TWIST2: variants seen among roughly 807,000 people sequenced by gnomAD.
TWIST2 encodes the protein twist family bHLH transcription factor 2, also known as twist-related protein 2.
In TWIST2, 1 loss-of-function variant was observed where a neutral mutation model predicts 11.6. The ratio of observed to expected loss-of-function variants is 0.09; its 90% confidence interval spans 0.03 to 0.41. TWIST2 has a LOEUF of 0.41. Among genes scored for constraint, TWIST2 ranks in the 10% least tolerant of loss-of-function variants. The pLI, the probability that TWIST2 is intolerant of heterozygous loss-of-function variation, is 0.98. For synonymous variants in TWIST2, 87 were observed against 96.6 expected, an observed-to-expected ratio of 0.90 and a Z score of 0.58; for missense variants, 168 against 226.4, an observed-to-expected ratio of 0.74 and a Z score of 1.66.
chr2:238,895,203 G>A (rs1383916263), intron 1 of TWIST2, among the ~76,000 whole-genome samples: 1 of 152,258 alleles, frequency 6.6e-6, no homozygotes, highest in African/African-American at 2.4e-5. Context: ...CCCCTGGCTT[G>A]GACCAGTGTG....
At chr2:238,892,150 C>T (rs1693146254) in intron 1 of TWIST2, among the ~76,000 whole-genome samples, 1 of 151,888 alleles carries the variant, frequency 6.6e-6, no homozygotes, top group Non-Finnish European at 1.5e-5. Context: ...AGCCAGGCAA[C>T]CACCGGAAGG....
intron 1 of TWIST2, among the ~76,000 whole-genome samples, chr2:238,907,927 CACACACAA>C (rs1188131638): frequency 1.3e-5 from 2 of 148,964 alleles, no homozygotes; most frequent in African/African-American, 5.0e-5. Flanking sequence ...CCACCTACAC[CACACACAA>C]ACACACATCA....
At chr2:238,897,480 C>A (rs1256164225) in intron 1 of TWIST2, among the ~76,000 whole-genome samples, 1 of 152,152 alleles carries the variant, frequency 6.6e-6, no homozygotes, top group African/African-American at 2.4e-5. Flanking sequence ...CAGCTGGCTT[C>A]CTGACATGCC....
Position 238,905,936 on chromosome 2 carries a change from T to TGC in TWIST2, c.*36-3905_*36-3904insCG, listed in dbSNP as rs1285192991. ...GTGCGTGCAGGTGTGCGTGTGCGCG[T>TGC]GTGTGTGCGCGCGCGTGTGTACGTG... On this transcript the variant is annotated intron_variant, in intron 1 of 1. Coordinates refer to ENST00000612363, the MANE Select transcript of TWIST2 (RefSeq NM_001271893.4). Among the ~76,000 whole-genome samples the TGC allele has an allele frequency of 8.9e-5, 10 of 112,354 alleles. No individual in the cohort carries two copies. In the East Asian group the frequency reaches 1.5e-3, roughly 17 times the overall value. 73.7% of individuals were successfully genotyped at this position (112,354 alleles called of 152,430 possible). A position where few individuals can be genotyped will look rare whatever the true frequency, so the allele number is the denominator to read the frequency against.
At chr2:238,851,788 TGA>T (rs1692246630) in intron 1 of TWIST2, among the ~76,000 whole-genome samples, 1 of 152,240 alleles carries the variant, frequency 6.6e-6, no homozygotes. Context: ...AGAAGTAGAA[TGA>T]AAGGCTGAGC....
intron 1 of TWIST2, among the ~76,000 whole-genome samples, chr2:238,883,426 G>T (rs868831905): frequency 1.1e-4 from 17 of 152,222 alleles, no homozygotes; most frequent in Admixed American, 2.6e-4. Flanking sequence ...CGTCTCTGAG[G>T]AGCTGAGCTG....
intron 1 of TWIST2, among the ~76,000 whole-genome samples, chr2:238,861,727 T>C (rs1477568260): frequency 6.6e-6 from 1 of 152,226 alleles, no homozygotes; most frequent in African/African-American, 2.4e-5. Flanking sequence ...CGTTTATCCA[T>C]GGTTTCGCTT....
chr2:238,856,374 C>T (rs1464571794), intron 1 of TWIST2, among the ~76,000 whole-genome samples: 1 of 152,174 alleles, frequency 6.6e-6, no homozygotes, highest in Non-Finnish European at 1.5e-5. Context: ...CCTCTCTGCT[C>T]GTTTCAGTGT....
intron 1 of TWIST2, among the ~76,000 whole-genome samples, chr2:238,906,438 A>G (rs1182507546): frequency 2.6e-5 from 4 of 152,000 alleles, no homozygotes; most frequent in Non-Finnish European, 2.9e-5. Flanking sequence ...ACGGATGCGC[A>G]CACACACATA....
At chr2:238,873,732 A>AG (rs1004800212) in intron 1 of TWIST2, among the ~76,000 whole-genome samples, 13 of 152,314 alleles carry the variant, frequency 8.5e-5, no homozygotes, top group Admixed American at 7.8e-4. Context: ...CTGGGCCGAG[A>AG]GTCACGCTGG....
chr2:238,888,336 G>C (rs2106368259), intron 1 of TWIST2, among the ~76,000 whole-genome samples: 1 of 124,012 alleles, frequency 8.1e-6, no homozygotes, highest in African/African-American at 2.9e-5. Flanking sequence ...CTTCTTGTTT[G>C]ATTGCAGGGC....
At chr2:238,890,176 G>A (rs62191085) in intron 1 of TWIST2, among the ~76,000 whole-genome samples, 118,367 of 152,082 alleles carry the variant, frequency 0.78, 46,324 homozygotes, top group Middle Eastern at 0.84. Flanking sequence ...TGGTCAGGGA[G>A]GTGGCAGCAC....
chr2:238,860,867 G>C (rs1027424329), intron 1 of TWIST2, among the ~76,000 whole-genome samples: 5 of 152,204 alleles, frequency 3.3e-5, no homozygotes, highest in Non-Finnish European at 7.3e-5. Context: ...GAACCTGGGA[G>C]GTGGAGGTTG....
intron 1 of TWIST2, among the ~76,000 whole-genome samples, chr2:238,906,333 TAC>T (rs1225807758): frequency 2.1e-4 from 30 of 144,782 alleles, no homozygotes; most frequent in South Asian, 6.7e-4. Flanking sequence ...TGTACATGCT[TAC>T]ACACACACAC....
chr2:238,903,072 G>A (rs1348815738), intron 1 of TWIST2, among the ~76,000 whole-genome samples: 5 of 141,366 alleles, frequency 3.5e-5, no homozygotes. Flanking sequence ...GATGTAGTGT[G>A]TGTGATGTGG....
At position 238,904,567 on chromosome 2, in the gene TWIST2, C is replaced by A. The variant is rs892889806; in HGVS notation, c.*36-5275C>A. 1.0e-3 allele frequency among the ~76,000 whole-genome samples: 157 copies of A among 152,024 alleles called. 2 individuals are homozygous for A. Among genetic ancestry groups the A allele is most frequent in the African/African-American group, 3.7e-3 (155 of 41,404 alleles). ...CCCTGCCATGCTGGTTCTGACTGTC[C>A]AACGGTGTCCATGGTACTTTGCCCT... On this transcript the variant is annotated intron_variant, in intron 1 of 1. Transcript: ENST00000612363.
Position 238,867,702 on chromosome 2 carries a change from C to T in TWIST2, c.*35+18969C>T, listed in dbSNP as rs1235918453. On this transcript the variant is annotated intron_variant, in intron 1 of 1. Transcript: ENST00000612363. This position sits in a 1 kb window ranked among gnomAD's most constrained non-coding sequence, Gnocchi z 4.8. Reference sequence around the variant, plus strand: ...ATGCAAGGCAGATGCCACATGGAACCCTTAGGTATTGAGTGCCCTGAAACT... The same window carrying T: ...ATGCAAGGCAGATGCCACATGGAACTCTTAGGTATTGAGTGCCCTGAAACT... Among the ~76,000 whole-genome samples the T allele has an allele frequency of 6.6e-6, 1 of 152,178 alleles. No homozygotes were observed. Among genetic ancestry groups the T allele is most frequent in the African/African-American group, 2.4e-5 (1 of 41,440 alleles).
At chr2:238,905,898 TGTGTGCGTGTGTGTGCGTGCAG>T (rs1693338708) in intron 1 of TWIST2, among the ~76,000 whole-genome samples, 2 of 122,810 alleles carry the variant, frequency 1.6e-5, no homozygotes, top group African/African-American at 3.2e-5. Context: ...CGCATGCGCG[TGTGTGCGTGTGTGTGCGTGCAG>T]GTGTGCGTGT....
In TWIST2 at chr2:238,903,134, G is replaced by C. The variant is rs932540184; in HGVS notation, c.*36-6708G>C. The stretch of plus-strand genomic sequence containing the variant: ...ATGTGAGGTGTGTGTGATGTGGGGT[G>C]TGTGTCTCATGTGAGGTGTGTATGT... On this transcript the variant is annotated intron_variant, in intron 1 of 1. Transcript: ENST00000612363. Among the ~76,000 whole-genome samples the C allele has an allele frequency of 4.1e-3, 600 of 146,720 alleles. 6 individuals are homozygous for C. Among genetic ancestry groups the C allele is most frequent in the African/African-American group, 0.014 (564 of 39,008 alleles).
Sources: gnomAD v4.1 joint callset for allele counts (sites outside exome capture counted in the v4.1 genomes callset) on GRCh38, gnomAD v4.1.1 for gene constraint, Gnocchi (gnomAD v3.1) non-coding constraint, MANE v1.5 for transcripts, NCBI Gene and HGNC (gene_info 2026-07-23, HGNC 2026-07-21) for gene names.